The following ZNF804B variants were observed in gnomAD, a reference collection of about 807,000 sequenced individuals.
ZNF804B encodes the protein zinc finger protein 804B.
A neutral mutation model predicts 101.4 loss-of-function variants in ZNF804B; 80 were observed. The observed-to-expected ratio is 0.79, with a 90% CI of 0.66 to 0.95. ZNF804B has a LOEUF of 0.95. Among genes scored for constraint, ZNF804B ranks in the 40% least tolerant of loss-of-function variants. The pLI is 0.00. For missense variants in ZNF804B, 1,673 were observed against 1,561.9 expected (o/e 1.07, Z -1.20); for synonymous variants, 622 against 558.8 (o/e 1.11, Z -1.59).
At chr7:89,056,157 T>G (rs1789291985) in intron 1 of ZNF804B, among the ~76,000 whole-genome samples, 1 of 152,018 alleles carries the variant, frequency 6.6e-6, no homozygotes, top group African/African-American at 2.4e-5. Flanking sequence ...GGATATTGCT[T>G]TTTGAGTCCC....
intron 1 of ZNF804B, among the ~76,000 whole-genome samples, chr7:88,861,552 A>G (rs1442725619): frequency 3.3e-5 from 5 of 152,134 alleles, no homozygotes; most frequent in Non-Finnish European, 7.4e-5. Flanking sequence ...ACTACTACAT[A>G]TTTTTGTATG....
chr7:89,100,574 G>A (rs1328199278), intron 1 of ZNF804B, among the ~76,000 whole-genome samples: 1 of 151,990 alleles, frequency 6.6e-6, no homozygotes, highest in African/African-American at 2.4e-5. Flanking sequence ...TCTGACAAAA[G>A]ATTGATTACA....
chr7:89,125,665 A>G (rs980157215), intron 1 of ZNF804B, among the ~76,000 whole-genome samples: 3 of 152,038 alleles, frequency 2.0e-5, no homozygotes, highest in East Asian at 1.9e-4. Flanking sequence ...ATTATTTCCA[A>G]TGTAATGGGT....
At chr7:89,141,934 CT>C (rs1790724470) in intron 1 of ZNF804B, among the ~76,000 whole-genome samples, 1 of 151,278 alleles carries the variant, frequency 6.6e-6, no homozygotes, top group African/African-American at 2.4e-5. Context: ...TCAACATAAA[CT>C]TCATCAAGTT....
intron 1 of ZNF804B, among the ~76,000 whole-genome samples, chr7:88,923,465 A>G (rs1792753446): frequency 6.6e-6 from 1 of 152,166 alleles, no homozygotes. Context: ...AAAATTTTAT[A>G]TAATGAAGAC....
intron 1 of ZNF804B, among the ~76,000 whole-genome samples, chr7:88,836,025 T>A (rs1397326810): frequency 6.6e-6 from 1 of 151,904 alleles, no homozygotes; most frequent in Non-Finnish European, 1.5e-5. Context: ...AGATATTTTC[T>A]TACTAAACAA....
chr7:89,212,441 C>T (rs1430375391), intron 1 of ZNF804B, among the ~76,000 whole-genome samples: 1 of 152,104 alleles, frequency 6.6e-6, no homozygotes, highest in African/African-American at 2.4e-5. Context: ...ACCTCTTGTG[C>T]ACATGGGAGA....
At chr7:88,948,150 C>T (rs1793165342) in intron 1 of ZNF804B, among the ~76,000 whole-genome samples, 1 of 151,690 alleles carries the variant, frequency 6.6e-6, no homozygotes, top group Non-Finnish European at 1.5e-5. Flanking sequence ...GGGGACTTCC[C>T]AGAGACCCCA....
At position 89,301,109 on chromosome 7, in the gene ZNF804B, T is replaced by G. The variant is rs1433966095; in HGVS notation, c.250-26235T>G. On this transcript the variant is annotated intron_variant, in intron 2 of 3. Transcript: ENST00000333190. ...GAATTTTTCAAGCGTGTTTTTTTTT[T>G]TTTTTTTTTTTTTGGTGGTGGTTCT... 3.5e-3 allele frequency among the ~76,000 whole-genome samples: 504 copies of G among 145,856 alleles called. 3 individuals carry two copies. Among genetic ancestry groups the G allele is most frequent in the African/African-American group, 0.013 (480 of 37,506 alleles).
chr7:89,295,330 A>C (rs1242234533), intron 2 of ZNF804B, among the ~76,000 whole-genome samples: 1 of 152,128 alleles, frequency 6.6e-6, no homozygotes, highest in African/African-American at 2.4e-5. Context: ...AGTTGCTCAA[A>C]ATGCAATTCT....
At chr7:88,760,422 T>C (rs565431302) in intron 1 of ZNF804B, among the ~76,000 whole-genome samples, 1 of 152,342 alleles carries the variant, frequency 6.6e-6, no homozygotes, top group East Asian at 1.9e-4. Context: ...TTGAGCAGTG[T>C]AGAAAGTTTG....
At chr7:89,275,881 G>A (rs1789972403) in intron 2 of ZNF804B, among the ~76,000 whole-genome samples, 1 of 151,632 alleles carries the variant, frequency 6.6e-6, no homozygotes, top group Non-Finnish European at 1.5e-5. Flanking sequence ...ATTCTAAAGT[G>A]CAAAACCTCT....
rs183903306 is a variant in ZNF804B, at chr7:88,868,469, C to T, written c.108+108385C>T. Among the ~76,000 whole-genome samples the T allele has an allele frequency of 1.2e-4, 18 of 152,176 alleles. No homozygotes were observed. The East Asian group carries it at 1.4e-3, about 11-fold the overall frequency. On this transcript the variant is annotated intron_variant, in intron 1 of 3. Coordinates refer to ENST00000333190, the MANE Select transcript of ZNF804B (RefSeq NM_181646.5). Reference sequence around the variant, plus strand: ...CCAAATAGGAGAAAATAATTTTTACCTCTTTTGAAATCACAAGCGGGGTTG... The same window carrying T: ...CCAAATAGGAGAAAATAATTTTTACTTCTTTTGAAATCACAAGCGGGGTTG...
At chr7:89,091,655 C>A (rs1051862323) in intron 1 of ZNF804B, among the ~76,000 whole-genome samples, 6 of 152,202 alleles carry the variant, frequency 3.9e-5, no homozygotes, top group African/African-American at 1.4e-4. Context: ...ACAAAGAGCA[C>A]AAATAAAACA....
chr7:89,089,641 AAACATCT>A (rs1449050621), intron 1 of ZNF804B, among the ~76,000 whole-genome samples: 1 of 152,032 alleles, frequency 6.6e-6, no homozygotes, highest in Non-Finnish European at 1.5e-5. Context: ...ACATCAAACA[AAACATCT>A]AAATATATTA....
intron 1 of ZNF804B, among the ~76,000 whole-genome samples, chr7:89,025,023 G>A (rs1344652186): frequency 6.6e-6 from 1 of 151,998 alleles, no homozygotes; most frequent in African/African-American, 2.4e-5. Flanking sequence ...ACCAGTGTGT[G>A]ATTTGCTCAC....
At chr7:89,120,503 A>G (rs927609707) in intron 1 of ZNF804B, among the ~76,000 whole-genome samples, 2 of 151,302 alleles carry the variant, frequency 1.3e-5, no homozygotes, top group Non-Finnish European at 2.9e-5. Context: ...TAAAAATACA[A>G]AAAAATTAGC....
At chr7:88,962,155 G>T (rs181913251) in intron 1 of ZNF804B, among the ~76,000 whole-genome samples, 1 of 151,290 alleles carries the variant, frequency 6.6e-6, no homozygotes, top group East Asian at 2.0e-4. Flanking sequence ...GGTTTTTATA[G>T]ACCTAAAATG....
chr7:89,322,959 TA>T (rs1419401156), intron 2 of ZNF804B, among the ~76,000 whole-genome samples: 1 of 152,208 alleles, frequency 6.6e-6, no homozygotes, highest in Non-Finnish European at 1.5e-5. Context: ...TTATAGACCA[TA>T]AGTTTATGTT....
Sources: gnomAD v4.1 joint callset for allele counts (sites outside exome capture counted in the v4.1 genomes callset) on GRCh38, gnomAD v4.1.1 for gene constraint, MANE v1.5 for transcripts, NCBI Gene and HGNC (gene_info 2026-07-23, HGNC 2026-07-21) for gene names.